Variants in R3HDM2 observed in about 807,000 individuals in gnomAD.
R3HDM2 encodes the protein R3H domain containing 2.
R3HDM2 carries 38 observed loss-of-function variants against 124.5 expected under a neutral mutation model. That is an observed-to-expected ratio of 0.31 (90% CI 0.24 to 0.40). The LOEUF (loss-of-function observed/expected upper bound fraction) is 0.40, where lower values mean the gene tolerates loss of function less well. Ranked by LOEUF, R3HDM2 falls within the 10% of genes least tolerant of loss-of-function variation. The probability of loss-of-function intolerance (pLI) is 1.00; values close to 1 mark genes in which losing one functional copy is unlikely to be tolerated. For synonymous variants in R3HDM2, 391 were observed against 448.0 expected (o/e 0.87, Z 1.61); for missense variants, 869 against 1,236.9 (o/e 0.70, Z 4.46).
At chr12:57,264,340 G>A (rs2041744706) in intron 19 of R3HDM2, among the ~76,000 whole-genome samples, 1 of 146,248 alleles carries the variant, frequency 6.8e-6, no homozygotes, top group Non-Finnish European at 1.5e-5. Flanking sequence ...CGGATCACCT[G>A]AGGTCAGGAG....
chr12:57,393,709 C>T (rs2067070247), intron 2 of R3HDM2, among the ~76,000 whole-genome samples: 2 of 151,860 alleles, frequency 1.3e-5, no homozygotes, highest in Non-Finnish European at 2.9e-5. Flanking sequence ...ATCTATACAT[C>T]CAGGAAGCTC....
chr12:57,330,420 A>G (rs1190912912), intron 2 of R3HDM2, among the ~76,000 whole-genome samples: 1 of 149,940 alleles, frequency 6.7e-6, no homozygotes, highest in Non-Finnish European at 1.5e-5. Context: ...CTCAGCTCAC[A>G]GCAACCTCCG....
intron 1 of R3HDM2, among the ~76,000 whole-genome samples, chr12:57,418,590 T>A (rs2069880592): frequency 6.7e-6 from 1 of 148,514 alleles, no homozygotes; most frequent in South Asian, 2.1e-4. Flanking sequence ...GTAAATGGAG[T>A]CTCTGTCGTC....
chr12:57,276,085 C>T (rs1592609960), intron 14 of R3HDM2, among the ~76,000 whole-genome samples: 1 of 151,586 alleles, frequency 6.6e-6, no homozygotes, highest in Non-Finnish European at 1.5e-5. Flanking sequence ...GGCGTGGTGG[C>T]GGTTGCCTGT....
intron 2 of R3HDM2, among the ~76,000 whole-genome samples, chr12:57,353,351 AAGAT>A (rs1450444383): frequency 1.3e-5 from 2 of 152,176 alleles, no homozygotes; most frequent in Non-Finnish European, 2.9e-5. Flanking sequence ...ACTAATAATA[AAGAT>A]AAATTCATCT....
intron 12 of R3HDM2, 118 bp downstream of exon 12, chr12:57,288,891 A>G: frequency 6.4e-7 from 1 of 1,551,552 alleles, no homozygotes; most frequent in Non-Finnish European, 8.7e-7. Context: ...GAGCTAGAAG[A>G]AAAGGCTTCT....
At chr12:57,355,376 G>A (rs901067015) in intron 2 of R3HDM2, among the ~76,000 whole-genome samples, 3 of 149,868 alleles carry the variant, frequency 2.0e-5, no homozygotes, top group African/African-American at 7.4e-5. Context: ...GGAGAATGGC[G>A]TGAACCCGAG....
chr12:57,414,022 T>C (rs1594599430), intron 1 of R3HDM2, among the ~76,000 whole-genome samples: 2 of 151,062 alleles, frequency 1.3e-5, no homozygotes, highest in South Asian at 2.1e-4. Flanking sequence ...AATTTTTTTG[T>C]ATTTTTAGTA....
intron 2 of R3HDM2, among the ~76,000 whole-genome samples, chr12:57,358,307 C>T (rs928819837): frequency 6.6e-6 from 1 of 152,018 alleles, no homozygotes; most frequent in African/African-American, 2.4e-5. Context: ...TTTAAATACA[C>T]AAAGTATGTT....
intron 2 of R3HDM2, among the ~76,000 whole-genome samples, chr12:57,370,905 A>T (rs2137937933): frequency 6.6e-6 from 1 of 152,206 alleles, no homozygotes; most frequent in South Asian, 2.1e-4. Context: ...ACCGAGAGCC[A>T]CTGTTACAGG....
chr12:57,292,458 A>C, intron 11 of R3HDM2, 114 bp downstream of exon 11: 1 of 720,948 alleles, frequency 1.4e-6, no homozygotes, highest in South Asian at 1.9e-5. Flanking sequence ...ATGTTGGTTA[A>C]AATAAAACAA....
At chr12:57,364,849 A>T (rs1323421403) in intron 2 of R3HDM2, among the ~76,000 whole-genome samples, 2 of 149,990 alleles carry the variant, frequency 1.3e-5, no homozygotes, top group Non-Finnish European at 3.0e-5. Flanking sequence ...GCTATTTGGG[A>T]GGCTGAGGCA....
At chr12:57,402,897 T>C (rs2068170561) in intron 1 of R3HDM2, among the ~76,000 whole-genome samples, 1 of 152,170 alleles carries the variant, frequency 6.6e-6, no homozygotes, top group Non-Finnish European at 1.5e-5. Context: ...TTAAAAGCTA[T>C]ATTGCTAAGT....
In R3HDM2 at chr12:57,269,359, G is replaced by T. The variant is rs757842057; in HGVS notation, c.1678C>A (p.Arg560Ser). 1.2e-6 allele frequency: 2 copies of T among 1,614,108 alleles called. No homozygotes were observed. Among genetic ancestry groups the T allele is most frequent in the Non-Finnish European group, 1.7e-6 (2 of 1,180,018 alleles). ...GATGGCTGAGGCAGCTGCTGACCAC[G>T]TTGGGGGCTATAGGCCACCGGGTGA... ...LSHPVAYSPQ[R>S]GQQLPQPSQQ... Residue 560 changes from arginine (R) to serine (S), a missense_variant, in exon 16 of 24, where the codon CGT becomes AGT. Physicochemically the swap from Arg to Ser is moderately radical, Grantham distance 110. Around this residue, in one of 2 missense-constraint regions of R3HDM2, gnomAD observed 602 missense variants for 789.2 expected, o/e 0.76. Coordinates refer to ENST00000402412, the MANE Select transcript of R3HDM2 (RefSeq NM_001394031.1).
chr12:57,286,680 G>C (rs2047410274), intron 12 of R3HDM2, among the ~76,000 whole-genome samples: 2 of 152,120 alleles, frequency 1.3e-5, no homozygotes, highest in Admixed American at 1.3e-4. Flanking sequence ...TCAGGAGTTT[G>C]AGACCAGCCT....
chr12:57,268,232 CA>C, intron 18 of R3HDM2, 70 bp downstream of exon 18: 1 of 1,539,312 alleles, frequency 6.5e-7, no homozygotes, highest in South Asian at 1.2e-5. Flanking sequence ...CCAGTGGAAA[CA>C]AAACCATGAT....
chr12:57,404,881 AT>A (rs756041453), intron 1 of R3HDM2, among the ~76,000 whole-genome samples: 4 of 152,206 alleles, frequency 2.6e-5, no homozygotes, highest in Middle Eastern at 3.4e-3. Flanking sequence ...TTACAAAAAA[AT>A]AAAACTTAAA....
At chr12:57,422,089 C>G (rs530882481) in intron 1 of R3HDM2, among the ~76,000 whole-genome samples, 39 of 116,218 alleles carry the variant, frequency 3.4e-4, no homozygotes, top group African/African-American at 1.1e-3. Context: ...GAGACTCCGC[C>G]TAGCAAAAAA....
intron 20 of R3HDM2, among the ~76,000 whole-genome samples, chr12:57,258,460 T>G (rs962869298): frequency 6.6e-6 from 1 of 152,012 alleles, no homozygotes; most frequent in Non-Finnish European, 1.5e-5. Context: ...TTCTCCTGCC[T>G]CAGCCTTCTG....
Sources: gnomAD v4.1 joint callset for allele counts (sites outside exome capture counted in the v4.1 genomes callset) on GRCh38, gnomAD v4.1.1 for gene constraint, gnomAD v4.1.1 regional missense constraint, MANE v1.5 for transcripts, NCBI Gene and HGNC (gene_info 2026-07-23, HGNC 2026-07-21) for gene names.